Variants in GABRB2 observed in about 807,000 individuals in gnomAD.
GABRB2 encodes gamma-aminobutyric acid receptor subunit beta-2.
Under a neutral mutation model 54.7 loss-of-function variants are expected in GABRB2, and 16 were observed. That is an observed-to-expected ratio of 0.29 (90% CI 0.20 to 0.44). The LOEUF (loss-of-function observed/expected upper bound fraction) is 0.44, where lower values mean the gene tolerates loss of function less well. Among genes scored for constraint, GABRB2 ranks in the 20% least tolerant of loss-of-function variants. The pLI is 1.00. For missense variants in GABRB2, 355 were observed against 644.0 expected (o/e 0.55, Z 4.86); for synonymous variants, 244 against 233.8 (o/e 1.04, Z -0.40).
intron 5 of GABRB2, among the ~76,000 whole-genome samples, chr5:161,340,857 T>C (rs1403707782): frequency 1.3e-5 from 2 of 152,070 alleles, no homozygotes; most frequent in South Asian, 2.1e-4. Flanking sequence ...ACCACATTTA[T>C]AGAACTCTCC....
intron 5 of GABRB2, among the ~76,000 whole-genome samples, chr5:161,398,356 A>G (rs570762084): frequency 6.6e-6 from 1 of 152,346 alleles, no homozygotes; most frequent in African/African-American, 2.4e-5. Flanking sequence ...CCTTCCTTCA[A>G]TAAGCATAGT....
intron 4 of GABRB2, among the ~76,000 whole-genome samples, chr5:161,412,844 T>A (rs1756560090): frequency 6.6e-6 from 1 of 152,190 alleles, no homozygotes; most frequent in South Asian, 2.1e-4. Flanking sequence ...TAATGCTCCA[T>A]CTTATCTTTC....
At chr5:161,391,278 C>G (rs547824480) in intron 5 of GABRB2, among the ~76,000 whole-genome samples, 2 of 152,152 alleles carry the variant, frequency 1.3e-5, no homozygotes, top group South Asian at 2.1e-4. Context: ...TTTGCTTCAA[C>G]TAGCTTTGTT....
chr5:161,512,559 AC>A (rs1240844125), intron 3 of GABRB2, among the ~76,000 whole-genome samples: 1 of 152,114 alleles, frequency 6.6e-6, no homozygotes, highest in Admixed American at 6.6e-5. Flanking sequence ...ATACAAAAAA[AC>A]TAATTCAGGG....
At chr5:161,541,549 C>A (rs1422002315) in intron 3 of GABRB2, among the ~76,000 whole-genome samples, 1 of 152,210 alleles carries the variant, frequency 6.6e-6, no homozygotes, top group East Asian at 1.9e-4. Context: ...ATTGCTGTAG[C>A]TTCTCCATCA....
At chr5:161,400,028 C>T (rs1419974657) in intron 5 of GABRB2, among the ~76,000 whole-genome samples, 1 of 152,016 alleles carries the variant, frequency 6.6e-6, no homozygotes, top group Non-Finnish European at 1.5e-5. Flanking sequence ...AAGAGGTACT[C>T]GATTTGCAAA....
chr5:161,305,188 T>C (rs1757654290), intron 9 of GABRB2, among the ~76,000 whole-genome samples: 1 of 151,374 alleles, frequency 6.6e-6, no homozygotes, highest in Non-Finnish European at 1.5e-5. Context: ...GGCTAATTTT[T>C]TGTATTTTTA....
At chr5:161,510,132 CTAAT>C (rs1759721043) in intron 3 of GABRB2, among the ~76,000 whole-genome samples, 1 of 151,258 alleles carries the variant, frequency 6.6e-6, no homozygotes, top group East Asian at 1.9e-4. Context: ...TACAAACAAT[CTAAT>C]TATACTCTTT....
At chr5:161,405,011 C>G (rs1756306301) in intron 5 of GABRB2, among the ~76,000 whole-genome samples, 1 of 152,100 alleles carries the variant, frequency 6.6e-6, no homozygotes, top group African/African-American at 2.4e-5. Flanking sequence ...CTGCTATGAA[C>G]TTTTCTTTTT....
At position 161,546,596 on chromosome 5, in the gene GABRB2, G is replaced by C; in HGVS notation, c.48C>G (p.Pro16=). ...KRGYFGIWSF[P]LIIAAVCAQS... is the part of the protein sequence containing the mutation. ...GCGCACAGACAGCGGCGATTATTAA[G>C]GGGAAGGACCAAATCCCAAAGTAGC... The change falls in exon 1 of 10, where the codon CCC becomes CCG. Residue 16 remains proline, a synonymous_variant. Transcript: ENST00000393959. 4.4e-6 allele frequency: 7 copies of C among 1,601,112 alleles called. No individual in the cohort carries two copies. Among genetic ancestry groups the C allele is most frequent in the Non-Finnish European group, 6.0e-6 (7 of 1,173,238 alleles).
intron 3 of GABRB2, among the ~76,000 whole-genome samples, chr5:161,484,931 G>T (rs576667646): frequency 6.6e-6 from 1 of 152,074 alleles, no homozygotes; most frequent in African/African-American, 2.4e-5. Flanking sequence ...TTCTTAGTAT[G>T]GGTTATGAGG....
intron 4 of GABRB2, among the ~76,000 whole-genome samples, chr5:161,418,552 G>A (rs950210216): frequency 1.3e-5 from 2 of 152,046 alleles, no homozygotes; most frequent in African/African-American, 4.8e-5. Flanking sequence ...AGAAGTAAAC[G>A]TAAGAAAAAC....
intron 5 of GABRB2, among the ~76,000 whole-genome samples, chr5:161,398,179 G>A (rs1033562022): frequency 2.6e-5 from 4 of 152,284 alleles, no homozygotes; most frequent in East Asian, 1.9e-4. Context: ...CATTCCAGCA[G>A]AGGGTCATAT....
chr5:161,340,517 A>G (rs1470449826), intron 5 of GABRB2, among the ~76,000 whole-genome samples: 3 of 152,012 alleles, frequency 2.0e-5, no homozygotes, highest in African/African-American at 4.8e-5. Flanking sequence ...CCCAATAAAG[A>G]GAACTCTTTA....
intron 5 of GABRB2, among the ~76,000 whole-genome samples, chr5:161,399,094 T>C (rs866148492): frequency 1.3e-5 from 2 of 152,290 alleles, no homozygotes; most frequent in Middle Eastern, 3.4e-3. Context: ...ACAAATATAG[T>C]GTTTGGGTAT....
chr5:161,427,575 C>T (rs929696861), intron 4 of GABRB2, among the ~76,000 whole-genome samples: 1 of 151,560 alleles, frequency 6.6e-6, no homozygotes, highest in African/African-American at 2.4e-5. Flanking sequence ...GAAGCAAATG[C>T]CTAAATCCTT....
chr5:161,437,584 A>C (rs1233765354), intron 4 of GABRB2, among the ~76,000 whole-genome samples: 1 of 151,686 alleles, frequency 6.6e-6, no homozygotes, highest in Non-Finnish European at 1.5e-5. Flanking sequence ...GCAGAGCACC[A>C]AGTGGGCTCT....
intron 4 of GABRB2, among the ~76,000 whole-genome samples, chr5:161,436,421 T>C (rs949079377): frequency 6.6e-6 from 1 of 151,576 alleles, no homozygotes; most frequent in African/African-American, 2.4e-5. Flanking sequence ...TAATCCCAGC[T>C]ACTAGGGAGG....
chr5:161,318,990 A>T (rs144443379), intron 9 of GABRB2, among the ~76,000 whole-genome samples: 1 of 151,928 alleles, frequency 6.6e-6, no homozygotes, highest in East Asian at 1.9e-4. Flanking sequence ...AACTTCTCAT[A>T]TTGTTTCTAA....
Sources: allele counts gnomAD v4.1 joint callset (sites outside exome capture counted in the v4.1 genomes callset), GRCh38; gene constraint gnomAD v4.1.1; transcripts MANE v1.5; gene names NCBI Gene and HGNC (gene_info 2026-07-23, HGNC 2026-07-21).